CHN2: variants seen among roughly 807,000 people sequenced by gnomAD.
The protein encoded by CHN2 is beta-chimaerin.
CHN2 carries 35 observed loss-of-function variants against 56.3 expected under a neutral mutation model. That is an observed-to-expected ratio of 0.62 (90% CI 0.47 to 0.82). The LOEUF (loss-of-function observed/expected upper bound fraction) is 0.82. Ranked by LOEUF, CHN2 falls within the 40% of genes least tolerant of loss-of-function variation. The probability of loss-of-function intolerance (pLI) is 0.00; values close to 1 mark genes in which losing one functional copy is unlikely to be tolerated. For missense variants in CHN2, 491 were observed against 580.5 expected, an observed-to-expected ratio of 0.85 and a Z score of 1.58; for synonymous variants, 210 against 212.8, an observed-to-expected ratio of 0.99 and a Z score of 0.12.
At chr7:29,217,250 T>A (rs1245970340) in intron 1 of CHN2, among the ~76,000 whole-genome samples, 4 of 152,202 alleles carry the variant, frequency 2.6e-5, no homozygotes, top group African/African-American at 9.6e-5. Flanking sequence ...ACCACGGTAG[T>A]TATCTGACCT....
At chr7:29,195,629 AGTGTGTGTGTGTGTGT>A (rs70980513) in intron 1 of CHN2, among the ~76,000 whole-genome samples, 29 of 117,548 alleles carry the variant, frequency 2.5e-4, no homozygotes, top group African/African-American at 4.7e-4. Context: ...AGAGAGAGAG[AGTGTGTGTGTGTGTGT>A]GTGTGAGAGA....
intron 1 of CHN2, among the ~76,000 whole-genome samples, chr7:29,332,287 C>T (rs1796283326): frequency 6.6e-6 from 1 of 152,094 alleles, no homozygotes; most frequent in Non-Finnish European, 1.5e-5. Flanking sequence ...ATCGTGCCTA[C>T]CCTGTGGGGT....
chr7:29,236,811 C>T (rs893468121), intron 1 of CHN2, among the ~76,000 whole-genome samples: 4 of 152,172 alleles, frequency 2.6e-5, no homozygotes, highest in African/African-American at 9.7e-5. Flanking sequence ...GACCATATTC[C>T]TTGGCTCATG....
rs74798265 is a variant in CHN2 at position 29,453,812 on chromosome 7, C to G, written c.577-26467C>G. On this transcript the variant is annotated intron_variant, in intron 6 of 12. Coordinates refer to ENST00000222792, the MANE Select transcript of CHN2 (RefSeq NM_004067.4). ...AGAGGATTCCATTTTAAAAGATTCA[C>G]TCGGGTCCTTTGGACTAAAACGCTG... Among the ~76,000 whole-genome samples, 1,408 of 152,258 alleles carry G rather than the reference C, an allele frequency of 9.2e-3. 8 individuals carry two copies. Among genetic ancestry groups the G allele is most frequent in the Middle Eastern group, 0.014 (4 of 294 alleles).
At chr7:29,485,831 G>T (rs1335465466) in intron 7 of CHN2, among the ~76,000 whole-genome samples, 1 of 152,048 alleles carries the variant, frequency 6.6e-6, no homozygotes, top group African/African-American at 2.4e-5. Context: ...CACTCAGCCT[G>T]CTGCTTCTGT....
intron 3 of CHN2, among the ~76,000 whole-genome samples, chr7:29,368,360 C>T (rs1799338208): frequency 6.6e-6 from 1 of 152,036 alleles, no homozygotes; most frequent in Non-Finnish European, 1.5e-5. Context: ...CTTCTGGGTA[C>T]TTTCAACGCC....
At chr7:29,194,286 CG>C, upstream of CHN2, 1 of 152,696 alleles carries the variant, frequency 6.5e-6, no homozygotes, top group East Asian at 2.0e-4. Context: ...CCCAGCACCC[CG>C]GGGACCCGGT....
intron 1 of CHN2, among the ~76,000 whole-genome samples, chr7:29,202,566 A>G (rs1784240623): frequency 6.6e-6 from 1 of 152,244 alleles, no homozygotes; most frequent in South Asian, 2.1e-4. Flanking sequence ...TATAATAACC[A>G]AAAGACTGTG....
chr7:29,437,432 A>C (rs1335136691), intron 6 of CHN2, among the ~76,000 whole-genome samples: 1 of 127,230 alleles, frequency 7.9e-6, no homozygotes, highest in Non-Finnish European at 1.6e-5. Flanking sequence ...CCCCGTCTCT[A>C]CTAAAAATAC....
intron 1 of CHN2, among the ~76,000 whole-genome samples, chr7:29,279,856 G>A (rs1437445688): frequency 1.3e-5 from 2 of 152,196 alleles, no homozygotes; most frequent in African/African-American, 2.4e-5. Context: ...AAAGAGAAAT[G>A]CAATCAAGTC....
At chr7:29,415,504 A>G (rs1345628225) in intron 6 of CHN2, among the ~76,000 whole-genome samples, 1 of 152,216 alleles carries the variant, frequency 6.6e-6, no homozygotes. Flanking sequence ...CTAAAAACAA[A>G]AACAAAAACA....
At chr7:29,382,912 A>G (rs891197422) in intron 3 of CHN2, among the ~76,000 whole-genome samples, 5 of 152,322 alleles carry the variant, frequency 3.3e-5, no homozygotes, top group African/African-American at 1.2e-4. Flanking sequence ...CAGAAACTAC[A>G]GAAGCTATGT....
At chr7:29,340,399 T>TG (rs34872316) in intron 1 of CHN2, among the ~76,000 whole-genome samples, 265 of 143,180 alleles carry the variant, frequency 1.9e-3, no homozygotes, top group East Asian at 6.8e-3. Flanking sequence ...GGGGGTTGCT[T>TG]GGGGGGGGGC....
At chr7:29,479,801 G>A (rs1014460362) in intron 6 of CHN2, 3 of 1,231,136 alleles carry the variant, frequency 2.4e-6, no homozygotes, top group Non-Finnish European at 3.1e-6. Context: ...GCCGGCCCCT[G>A]CCTCCCTGAA....
intron 1 of CHN2, among the ~76,000 whole-genome samples, chr7:29,256,360 A>T (rs1211933714): frequency 6.6e-6 from 1 of 152,224 alleles, no homozygotes; most frequent in Non-Finnish European, 1.5e-5. Flanking sequence ...CATAGTTTTA[A>T]TGTTTATCGA....
At chr7:29,201,920 C>T (rs780109331) in intron 1 of CHN2, among the ~76,000 whole-genome samples, 3 of 152,122 alleles carry the variant, frequency 2.0e-5, no homozygotes, top group Non-Finnish European at 4.4e-5. Context: ...TTCTTTATGA[C>T]CCCGAGGGAA....
chr7:29,249,981 A>T (rs915133973), intron 1 of CHN2, among the ~76,000 whole-genome samples: 1 of 152,228 alleles, frequency 6.6e-6, no homozygotes, highest in African/African-American at 2.4e-5. Context: ...TGGTGAAGAG[A>T]GTCTAAGGCT....
intron 1 of CHN2, among the ~76,000 whole-genome samples, chr7:29,311,057 A>G (rs1206121587): frequency 6.6e-6 from 1 of 152,228 alleles, no homozygotes; most frequent in African/African-American, 2.4e-5. Flanking sequence ...GTCTGTCCTC[A>G]GTACAGATGT....
At chr7:29,147,078 CA>C in intron 2 of CHN2, 1 of 1,394,652 alleles carries the variant, frequency 7.2e-7, no homozygotes, top group African/African-American at 1.4e-5. Context: ...TTGGGGGACA[CA>C]AACTAAGTGA....
Sources: gnomAD v4.1 joint callset for allele counts (sites outside exome capture counted in the v4.1 genomes callset) on GRCh38, gnomAD v4.1.1 for gene constraint, MANE v1.5 for transcripts, NCBI Gene and HGNC (gene_info 2026-07-23, HGNC 2026-07-21) for gene names.